The following SYN3 variants were observed in gnomAD, a reference collection of about 807,000 sequenced individuals.
SYN3 encodes synapsin-3.
SYN3 carries 35 observed loss-of-function variants against 65.8 expected under a neutral mutation model. That is an observed-to-expected ratio of 0.53 (90% CI 0.41 to 0.70). The LOEUF is 0.70. Among genes scored for constraint, SYN3 ranks in the 30% least tolerant of loss-of-function variants. SYN3 has a pLI of 0.00. For synonymous variants in SYN3, 270 were observed against 292.9 expected (o/e 0.92, Z 0.80); for missense variants, 680 against 749.0 (o/e 0.91, Z 1.08).
chr22:32,983,707 T>C (rs2052437647), intron 2 of SYN3, among the ~76,000 whole-genome samples: 1 of 152,204 alleles, frequency 6.6e-6, no homozygotes, highest in African/African-American at 2.4e-5. Flanking sequence ...TTGTGAATTT[T>C]ATCGTAATCC....
At chr22:32,973,420 C>CCA (rs2052084017) in intron 3 of SYN3, among the ~76,000 whole-genome samples, 1 of 151,994 alleles carries the variant, frequency 6.6e-6, no homozygotes, top group African/African-American at 2.4e-5. Flanking sequence ...CTTTTACCCC[C>CCA]GCCAAAAAAG....
At chr22:33,044,131 T>C (rs538180090) in intron 1 of SYN3, among the ~76,000 whole-genome samples, 30 of 151,990 alleles carry the variant, frequency 2.0e-4, no homozygotes, top group African/African-American at 5.3e-4. Context: ...CACAGGAAGA[T>C]GTGGCTGCAG....
intron 6 of SYN3, among the ~76,000 whole-genome samples, chr22:32,641,383 C>T (rs940186622): frequency 4.0e-5 from 6 of 151,560 alleles, no homozygotes; most frequent in African/African-American, 1.5e-4. Flanking sequence ...CTGAGGCAGG[C>T]GGATCATGAG....
chr22:32,665,711 C>T (rs2060280908), intron 6 of SYN3, among the ~76,000 whole-genome samples: 1 of 152,156 alleles, frequency 6.6e-6, no homozygotes, highest in African/African-American at 2.4e-5. Flanking sequence ...ATCACAGATT[C>T]CCCTCTACCT....
intron 7 of SYN3, among the ~76,000 whole-genome samples, chr22:32,547,359 ACTT>A (rs199832604): frequency 0.013 from 1,970 of 151,374 alleles, 48 homozygotes; most frequent in African/African-American, 0.046. Flanking sequence ...CTTGTTGCTT[ACTT>A]CTTCTCTTAT....
intron 6 of SYN3, among the ~76,000 whole-genome samples, chr22:32,700,843 G>A (rs1000697154): frequency 6.6e-6 from 1 of 152,190 alleles, no homozygotes; most frequent in African/African-American, 2.4e-5. Flanking sequence ...CATAGGTAAC[G>A]CATCTTCAAA....
chr22:32,528,026 A>C, intron 11 of SYN3, 21 bp from the exon 12 acceptor site: 3 of 1,521,430 alleles, frequency 2.0e-6, no homozygotes, highest in Non-Finnish European at 2.7e-6. Context: ...AGAGAAAAGA[A>C]GCCTGTTGGT....
chr22:32,911,112 T>TA (rs1601677078), intron 4 of SYN3, among the ~76,000 whole-genome samples: 1 of 152,324 alleles, frequency 6.6e-6, no homozygotes. Flanking sequence ...GAAGAGTTGC[T>TA]AATGATGACT....
intron 6 of SYN3, among the ~76,000 whole-genome samples, chr22:32,622,153 A>G (rs1278276497): frequency 6.6e-6 from 1 of 151,890 alleles, no homozygotes; most frequent in African/African-American, 2.4e-5. Flanking sequence ...GCTTTCGAAA[A>G]CCAGCCGACT....
chr22:33,048,998 C>G (rs1229794433), intron 1 of SYN3, among the ~76,000 whole-genome samples: 1 of 152,064 alleles, frequency 6.6e-6, no homozygotes, highest in Non-Finnish European at 1.5e-5. Flanking sequence ...TTGCTGTAGG[C>G]CAGAGTTTTG....
chr22:33,034,158 C>T (rs925938313), intron 1 of SYN3, among the ~76,000 whole-genome samples: 1 of 149,930 alleles, frequency 6.7e-6, no homozygotes, highest in Non-Finnish European at 1.5e-5. Flanking sequence ...TGCTCTCCAA[C>T]CTAGGTGACA....
At chr22:32,562,723 A>C (rs1222130806) in intron 7 of SYN3, among the ~76,000 whole-genome samples, 1 of 152,280 alleles carries the variant, frequency 6.6e-6, no homozygotes, top group African/African-American at 2.4e-5. Flanking sequence ...AAACAGACCA[A>C]GCCAAGCAAA....
intron 2 of SYN3, 43 bp downstream of exon 2, chr22:33,006,309 C>T (rs1223376915): frequency 2.6e-6 from 4 of 1,549,206 alleles, no homozygotes; most frequent in Non-Finnish European, 3.5e-6. Flanking sequence ...CCCCACTCCT[C>T]TCTTGCCCCA....
intron 1 of SYN3, among the ~76,000 whole-genome samples, chr22:33,051,753 T>C (rs933571036): frequency 6.6e-6 from 1 of 152,046 alleles, no homozygotes; most frequent in Admixed American, 6.6e-5. Context: ...TTCAAGAGTC[T>C]CTGGAGAAAC....
intron 4 of SYN3, among the ~76,000 whole-genome samples, chr22:32,920,027 G>C (rs538744934): frequency 6.6e-6 from 1 of 152,192 alleles, no homozygotes; most frequent in South Asian, 2.1e-4. Flanking sequence ...GAGCTGGGGA[G>C]GGGGAGGATC....
intron 4 of SYN3, among the ~76,000 whole-genome samples, chr22:32,886,968 G>A (rs1366087512): frequency 1.3e-5 from 2 of 152,172 alleles, no homozygotes; most frequent in African/African-American, 2.4e-5. Flanking sequence ...TGCTGAATAC[G>A]GCAAAGGAGA....
chr22:32,854,440 G>T (rs1489615539), intron 6 of SYN3, among the ~76,000 whole-genome samples: 2 of 152,154 alleles, frequency 1.3e-5, no homozygotes, highest in African/African-American at 4.8e-5. Context: ...GCAGTCAAGG[G>T]GAAAGACTGA....
intron 6 of SYN3, among the ~76,000 whole-genome samples, chr22:32,712,995 C>T (rs7286819): frequency 0.22 from 33,682 of 152,068 alleles, 4,708 homozygotes; most frequent in East Asian, 0.6. Context: ...TGTGCCTCTC[C>T]CCATTCTCTT....
intron 6 of SYN3, among the ~76,000 whole-genome samples, chr22:32,843,083 T>A (rs1358816189): frequency 6.8e-6 from 1 of 147,514 alleles, no homozygotes; most frequent in Non-Finnish European, 1.5e-5. Flanking sequence ...GACCTCCCAT[T>A]TTTTTTTTTC....
Sources: gnomAD v4.1 joint callset for allele counts (sites outside exome capture counted in the v4.1 genomes callset) on GRCh38, gnomAD v4.1.1 for gene constraint, MANE v1.5 for transcripts, NCBI Gene and HGNC (gene_info 2026-07-23, HGNC 2026-07-21) for gene names.